The following CTNND2 variants were observed in gnomAD, a reference collection of about 807,000 sequenced individuals.
The protein encoded by CTNND2 is catenin delta-2.
In CTNND2, 22 loss-of-function variants were observed where a neutral mutation model predicts 144.4. That is an observed-to-expected ratio of 0.15 (90% CI 0.11 to 0.22). CTNND2 has a LOEUF of 0.22. Among genes scored for constraint, CTNND2 ranks in the 10% least tolerant of loss-of-function variants. The probability of loss-of-function intolerance (pLI) is 1.00; values close to 1 mark genes in which losing one functional copy is unlikely to be tolerated. For missense variants in CTNND2, 1,353 were observed against 1,618.8 expected, an observed-to-expected ratio of 0.84 and a Z score of 2.82; for synonymous variants, 751 against 695.6, an observed-to-expected ratio of 1.08 and a Z score of -1.25.
chr5:11,795,030 A>T (rs1221497336), intron 1 of CTNND2, among the ~76,000 whole-genome samples: 1 of 152,186 alleles, frequency 6.6e-6, no homozygotes, highest in African/African-American at 2.4e-5. Context: ...ACCTTATGCA[A>T]TTGGATAACA....
intron 11 of CTNND2, among the ~76,000 whole-genome samples, chr5:11,175,132 T>C (rs1285399387): frequency 1.3e-5 from 2 of 152,150 alleles, no homozygotes; most frequent in Non-Finnish European, 2.9e-5. Flanking sequence ...TCTATTTTTT[T>C]TTACATAGTA....
At chr5:11,315,301 G>A (rs1253801169) in intron 9 of CTNND2, among the ~76,000 whole-genome samples, 3 of 152,144 alleles carry the variant, frequency 2.0e-5, no homozygotes, top group Admixed American at 6.5e-5. Context: ...GTTTAAAGGT[G>A]ATACAGTCTT....
Position 11,843,005 on chromosome 5 carries a change from T to C in CTNND2, c.37+60812A>G, listed in dbSNP as rs116984464. Reference sequence around the variant, plus strand: ...GAAGAAACATTAACTTGGCTCAGTCTAGAAACAAGAATTAGAACCCTGCTT... The same window carrying C: ...GAAGAAACATTAACTTGGCTCAGTCCAGAAACAAGAATTAGAACCCTGCTT... On this transcript the variant is annotated intron_variant, in intron 1 of 21. Coordinates refer to ENST00000304623, the MANE Select transcript of CTNND2 (RefSeq NM_001332.4). 3.3e-3 allele frequency among the ~76,000 whole-genome samples: 499 copies of C among 152,284 alleles called. 12 individuals are homozygous for C. In the East Asian group the frequency reaches 0.062, roughly 19 times the overall value.
At chr5:11,204,148 C>T (rs1406982778) in intron 10 of CTNND2, among the ~76,000 whole-genome samples, 1 of 152,192 alleles carries the variant, frequency 6.6e-6, no homozygotes, top group African/African-American at 2.4e-5. Context: ...TGGTAAACCC[C>T]ATCCCCAGGG....
intron 3 of CTNND2, among the ~76,000 whole-genome samples, chr5:11,453,935 T>G (rs535238070): frequency 6.6e-6 from 1 of 152,318 alleles, no homozygotes; most frequent in South Asian, 2.1e-4. Flanking sequence ...TGAAACTCAT[T>G]CTCTTATGGA....
chr5:11,058,201 T>C (rs948516753), intron 16 of CTNND2, among the ~76,000 whole-genome samples: 2 of 152,046 alleles, frequency 1.3e-5, no homozygotes, highest in African/African-American at 4.8e-5. Context: ...CCCAAGACAA[T>C]GGGGAAAATG....
At chr5:11,091,942 G>A (rs111799558) in intron 15 of CTNND2, among the ~76,000 whole-genome samples, 1,846 of 152,202 alleles carry the variant, frequency 0.012, 38 homozygotes, top group African/African-American at 0.043. Flanking sequence ...TTCTATGTGT[G>A]GCTCTCTCCT....
chr5:11,238,564 A>G lies in CTNND2; in HGVS notation c.1629-1741T>C, dbSNP rs961957526. On this transcript the variant is annotated intron_variant, in intron 9 of 21. Transcript: ENST00000304623. ...AACATGTTGGTGCTTCCTTTACAGC[A>G]AGTGAATAAAATATGAAATAGAATA... Among the ~76,000 whole-genome samples, 13 of 152,334 alleles carry G rather than the reference A, an allele frequency of 8.5e-5. 1 individual carries two copies. The highest frequency in any genetic ancestry group is 3.9e-4 in the Admixed American group (6 of 15,298).
chr5:11,482,771 A>G (rs1768405667), intron 3 of CTNND2, among the ~76,000 whole-genome samples: 4 of 152,078 alleles, frequency 2.6e-5, no homozygotes, highest in African/African-American at 9.7e-5. Flanking sequence ...TGTTGTAGCA[A>G]ATGAGAAGTC....
chr5:11,718,664 T>C (rs1786490698), intron 2 of CTNND2, among the ~76,000 whole-genome samples: 1 of 152,094 alleles, frequency 6.6e-6, no homozygotes, highest in Non-Finnish European at 1.5e-5. Flanking sequence ...AATCTACATC[T>C]TCTCCCAGAA....
chr5:11,012,015 C>T (rs537198188), intron 18 of CTNND2, among the ~76,000 whole-genome samples: 39 of 152,238 alleles, frequency 2.6e-4, no homozygotes, highest in African/African-American at 9.4e-4. Context: ...AAATGAAATC[C>T]TCAGATCCAA....
chr5:11,731,396 T>C (rs1469451732), intron 2 of CTNND2, among the ~76,000 whole-genome samples: 5 of 152,234 alleles, frequency 3.3e-5, no homozygotes, highest in Non-Finnish European at 5.9e-5. Context: ...CAATTCAGCA[T>C]CACCAAATCA....
chr5:11,896,083 A>G (rs1024855481), intron 1 of CTNND2, among the ~76,000 whole-genome samples: 10 of 152,176 alleles, frequency 6.6e-5, no homozygotes, highest in African/African-American at 2.2e-4. Flanking sequence ...TCTAGGAAGT[A>G]ATCTAGAGTA....
At chr5:11,511,106 G>C (rs1771602441) in intron 3 of CTNND2, among the ~76,000 whole-genome samples, 1 of 152,188 alleles carries the variant, frequency 6.6e-6, no homozygotes, top group African/African-American at 2.4e-5. Flanking sequence ...TAAAAGCCCT[G>C]TGGCATTTCA....
intron 14 of CTNND2, among the ~76,000 whole-genome samples, chr5:11,108,475 AT>A (rs1752638193): frequency 6.6e-6 from 1 of 152,210 alleles, no homozygotes; most frequent in Non-Finnish European, 1.5e-5. Context: ...GAGCAAAAAT[AT>A]TTACTGTTAA....
chr5:11,444,495 A>G (rs1764629480), intron 3 of CTNND2, among the ~76,000 whole-genome samples: 1 of 152,156 alleles, frequency 6.6e-6, no homozygotes, highest in Non-Finnish European at 1.5e-5. Flanking sequence ...AGGAAGTATA[A>G]GATGAAGGGC....
At chr5:11,334,711 T>C (rs1006211798) in intron 9 of CTNND2, among the ~76,000 whole-genome samples, 3 of 152,136 alleles carry the variant, frequency 2.0e-5, no homozygotes, top group Non-Finnish European at 2.9e-5. Flanking sequence ...CAAGAGCAGA[T>C]AGATAGGGTA....
At chr5:11,897,581 C>A (rs562248035) in intron 1 of CTNND2, among the ~76,000 whole-genome samples, 2 of 152,074 alleles carry the variant, frequency 1.3e-5, no homozygotes, top group East Asian at 1.9e-4. Context: ...ACTTACAAAG[C>A]GATCCAATTA....
At chr5:11,902,934 T>C (rs1738027113) in intron 1 of CTNND2, 2 of 152,644 alleles carry the variant, frequency 1.3e-5, no homozygotes, top group African/African-American at 4.8e-5. Context: ...ACCCCAAAAA[T>C]TCCCAAGTCT....
Sources: allele counts gnomAD v4.1 joint callset (sites outside exome capture counted in the v4.1 genomes callset), GRCh38; gene constraint gnomAD v4.1.1; transcripts MANE v1.5; gene names NCBI Gene and HGNC (gene_info 2026-07-23, HGNC 2026-07-21).